The following ST3GAL3 variants were observed in gnomAD, a reference collection of about 807,000 sequenced individuals.
ST3GAL3 encodes CMP-N-acetylneuraminate-beta-1,4-galactoside alpha-2,3-sialyltransferase.
ST3GAL3 carries 21 observed loss-of-function variants against 50.1 expected under a neutral mutation model. The observed-to-expected ratio is 0.42, with a 90% confidence interval of 0.30 to 0.60. The LOEUF is 0.60. Ranked by LOEUF, ST3GAL3 falls within the 20% of genes least tolerant of loss-of-function variation. The pLI is 0.19. For missense variants in ST3GAL3, 353 were observed against 489.4 expected (o/e 0.72, Z 2.63); for synonymous variants, 183 against 190.0 (o/e 0.96, Z 0.30).
intron 3 of ST3GAL3, among the ~76,000 whole-genome samples, chr1:43,812,093 A>G (rs895095098): frequency 1.6e-4 from 24 of 152,176 alleles, no homozygotes; most frequent in African/African-American, 5.6e-4. Context: ...AATAATCCCG[A>G]TAACAGTCAA....
At chr1:43,925,454 G>A (rs1010053243) in intron 11 of ST3GAL3, among the ~76,000 whole-genome samples, 2 of 152,170 alleles carry the variant, frequency 1.3e-5, no homozygotes, top group Admixed American at 1.3e-4. Flanking sequence ...GTGATCATGT[G>A]TAAAAAAGGC....
chr1:43,779,347 A>G (rs116235316), intron 2 of ST3GAL3, among the ~76,000 whole-genome samples: 6,422 of 152,336 alleles, frequency 0.042, 200 homozygotes, highest in Non-Finnish European at 0.068. Flanking sequence ...CTATCCTTAT[A>G]GGCTGTGTAA....
At chr1:43,742,500 A>C (rs1363692552) in intron 2 of ST3GAL3, among the ~76,000 whole-genome samples, 1 of 152,220 alleles carries the variant, frequency 6.6e-6, no homozygotes, top group Non-Finnish European at 1.5e-5. Context: ...GACACTCTTC[A>C]TAGGAAGATA....
chr1:43,797,034 G>T (rs909462094), intron 3 of ST3GAL3, among the ~76,000 whole-genome samples: 27 of 151,962 alleles, frequency 1.8e-4, no homozygotes, highest in African/African-American at 6.3e-4. Context: ...AATTAAAGAA[G>T]AATATTAGCC....
At chr1:43,873,830 G>T (rs2073527739) in intron 5 of ST3GAL3, among the ~76,000 whole-genome samples, 2 of 152,014 alleles carry the variant, frequency 1.3e-5, no homozygotes, top group South Asian at 4.2e-4. Flanking sequence ...AATACAAAAA[G>T]AAGGCAGGGG....
chr1:43,906,661 C>T (rs888606847), intron 9 of ST3GAL3, among the ~76,000 whole-genome samples: 5 of 152,046 alleles, frequency 3.3e-5, no homozygotes, highest in African/African-American at 7.2e-5. Flanking sequence ...GCTCCTCTTC[C>T]CGCCACTCTT....
chr1:43,775,104 C>T (rs1696684345), intron 2 of ST3GAL3, among the ~76,000 whole-genome samples: 1 of 152,086 alleles, frequency 6.6e-6, no homozygotes, highest in Non-Finnish European at 1.5e-5. Context: ...AGAGCGAGAA[C>T]CAGCTAACTT....
At chr1:43,798,240 C>T (rs1472947243) in intron 3 of ST3GAL3, among the ~76,000 whole-genome samples, 1 of 152,160 alleles carries the variant, frequency 6.6e-6, no homozygotes, top group African/African-American at 2.4e-5. Flanking sequence ...CTTCCCTAGA[C>T]TAGAAACATC....
chr1:43,799,399 A>G (rs557631104), intron 3 of ST3GAL3, among the ~76,000 whole-genome samples: 1 of 152,256 alleles, frequency 6.6e-6, no homozygotes, highest in South Asian at 2.1e-4. Context: ...AGACTGGGTA[A>G]TTTATAAACA....
intron 9 of ST3GAL3, among the ~76,000 whole-genome samples, chr1:43,908,379 TC>T (rs1220038477): frequency 6.6e-6 from 1 of 152,170 alleles, no homozygotes; most frequent in African/African-American, 2.4e-5. Flanking sequence ...TTCTCAAAGT[TC>T]CTTCTCATAC....
At chr1:43,906,456 T>C (rs1421618716) in intron 9 of ST3GAL3, among the ~76,000 whole-genome samples, 3 of 96,772 alleles carry the variant, frequency 3.1e-5, no homozygotes, top group South Asian at 9.0e-4. Flanking sequence ...CTCCTGCTCC[T>C]CTCCCACCAC....
chr1:43,717,736 G>C (rs941176338), intron 1 of ST3GAL3, among the ~76,000 whole-genome samples: 2 of 151,922 alleles, frequency 1.3e-5, no homozygotes, highest in Non-Finnish European at 2.9e-5. Context: ...TCAAACTCCT[G>C]AACTCAAGTG....
intron 4 of ST3GAL3, among the ~76,000 whole-genome samples, chr1:43,817,545 T>TCTTCTTCTTCTCCTTCTTC: frequency 1.5e-5 from 1 of 66,204 alleles, no homozygotes; most frequent in Non-Finnish European, 3.5e-5. Flanking sequence ...TCCTTCTCCT[T>TCTTCTTCTTCTCCTTCTTC]CTTCTTCTTC....
At chr1:43,908,750 G>A (rs1013373926) in intron 9 of ST3GAL3, among the ~76,000 whole-genome samples, 16 of 151,242 alleles carry the variant, frequency 1.1e-4, no homozygotes, top group Admixed American at 2.0e-4. Flanking sequence ...TCCTGCCTCC[G>A]CCTCCCAAGT....
At chr1:43,831,529 A>G (rs573769779) in intron 4 of ST3GAL3, 15 of 152,352 alleles carry the variant, frequency 9.8e-5, no homozygotes, top group African/African-American at 3.6e-4. Context: ...TGTCAAATGT[A>G]TCATTGCTGG....
At chr1:43,892,518 G>T (rs1244546826) in intron 5 of ST3GAL3, among the ~76,000 whole-genome samples, 1 of 152,040 alleles carries the variant, frequency 6.6e-6, no homozygotes, top group Non-Finnish European at 1.5e-5. Flanking sequence ...TACAGTTATG[G>T]GTATTTTTAT....
At chr1:43,728,069 T>C (rs1465819573) in intron 1 of ST3GAL3, among the ~76,000 whole-genome samples, 2 of 152,094 alleles carry the variant, frequency 1.3e-5, no homozygotes, top group African/African-American at 4.8e-5. Context: ...TTGCCATCTG[T>C]GTGTCCGTAA....
At chr1:43,757,718 A>C (rs1688630920) in intron 2 of ST3GAL3, among the ~76,000 whole-genome samples, 1 of 152,224 alleles carries the variant, frequency 6.6e-6, no homozygotes. Context: ...GAGAAATGTT[A>C]GTGATTTTGA....
At position 43,894,262 on chromosome 1, in the gene ST3GAL3, G is replaced by A. The variant is rs553480814; in HGVS notation, c.303-121G>A. ...CAGTGAACAGGCTGGGTGGAGGGGGGTATGCCGGAATGCAGAGGGGGCTTC... is the reference window on the plus strand; with the variant it reads ...CAGTGAACAGGCTGGGTGGAGGGGGATATGCCGGAATGCAGAGGGGGCTTC... On this transcript the variant is annotated intron_variant, in intron 5 of 11. Transcript: ENST00000347631. The A allele has an allele frequency of 9.0e-5, 84 of 937,074 alleles. 1 individual carries two copies. The highest frequency in any genetic ancestry group is 2.4e-4 in the Middle Eastern group (1 of 4,118). The allele number at this position is 937,074 out of a possible 1,614,324, so 58.0% of individuals were successfully genotyped here.
Sources: allele counts gnomAD v4.1 joint callset (sites outside exome capture counted in the v4.1 genomes callset), GRCh38; gene constraint gnomAD v4.1.1; transcripts MANE v1.5; gene names NCBI Gene and HGNC (gene_info 2026-07-23, HGNC 2026-07-21).